The following NR6A1 variants were observed in gnomAD, a reference collection of about 807,000 sequenced individuals.
NR6A1 encodes nuclear receptor subfamily 6 group A member 1, also known as retinoic acid receptor-related testis-associated receptor.
NR6A1 carries 7 observed loss-of-function variants against 59.1 expected under a neutral mutation model. That is an observed-to-expected ratio of 0.12 (90% confidence interval 0.07 to 0.22). The LOEUF (loss-of-function observed/expected upper bound fraction) is 0.22. NR6A1 is among the 10% of genes least tolerant of loss of function. The probability of loss-of-function intolerance (pLI) is 1.00; values close to 1 mark genes in which losing one functional copy is unlikely to be tolerated. For synonymous variants in NR6A1, 243 were observed against 236.1 expected (o/e 1.03, Z -0.27); for missense variants, 468 against 611.6 (o/e 0.77, Z 2.48).
At chr9:124,744,466 G>C (rs528359991) in intron 1 of NR6A1, among the ~76,000 whole-genome samples, 2 of 152,286 alleles carry the variant, frequency 1.3e-5, no homozygotes, top group South Asian at 4.1e-4. Flanking sequence ...AGCCACAAAA[G>C]TCAAAACAAG....
rs547684765 is a variant in NR6A1, at chr9:124,697,583, A to C, written c.142+35725T>G. Among the ~76,000 whole-genome samples, 94 of 152,216 alleles carry C rather than the reference A, an allele frequency of 6.2e-4. 1 individual carries two copies. The South Asian group carries it at 0.018, about 29-fold the overall frequency. ...GGATGGTATGTTGTGTAGGCCAAAG[A>C]AGCAGTGTTTTTACAAAACAGAAAT... On this transcript the variant is annotated intron_variant, in intron 2 of 9. Coordinates refer to ENST00000487099, the MANE Select transcript of NR6A1 (RefSeq NM_033334.4).
intron 2 of NR6A1, among the ~76,000 whole-genome samples, chr9:124,596,224 G>A (rs1283652978): frequency 6.6e-6 from 1 of 151,862 alleles, no homozygotes; most frequent in African/African-American, 2.4e-5. Flanking sequence ...TTCCAGACTG[G>A]GTTAGAAAAT....
chr9:124,606,556 C>T (rs1277145000), intron 2 of NR6A1, among the ~76,000 whole-genome samples: 1 of 152,110 alleles, frequency 6.6e-6, no homozygotes, highest in Admixed American at 6.6e-5. Flanking sequence ...GTCAGACAAA[C>T]TTGGTATCAA....
rs147421903 is a variant in NR6A1 at position 124,671,476 on chromosome 9, A to G, written c.142+61832T>C. 2.3e-3 allele frequency among the ~76,000 whole-genome samples: 354 copies of G among 152,302 alleles called. 1 individual carries two copies. The highest frequency in any genetic ancestry group is 8.1e-3 in the African/African-American group (335 of 41,566). On this transcript the variant is annotated intron_variant, in intron 2 of 9. Coordinates refer to ENST00000487099, the MANE Select transcript of NR6A1 (RefSeq NM_033334.4). ...TGTCATGGTACTTAATATTTCCTCC[A>G]AAGACATTTATTCTTTTTTAAAAAG...
intron 2 of NR6A1, among the ~76,000 whole-genome samples, chr9:124,572,846 C>T (rs1227328337): frequency 6.6e-6 from 1 of 152,030 alleles, no homozygotes; most frequent in African/African-American, 2.4e-5. Context: ...GAAAAGGTCA[C>T]CAGAAATCCT....
intron 2 of NR6A1, among the ~76,000 whole-genome samples, chr9:124,613,233 G>A (rs1835804837): frequency 6.6e-6 from 1 of 152,122 alleles, no homozygotes; most frequent in African/African-American, 2.4e-5. Flanking sequence ...CTATTTGGGA[G>A]CTGACACGGA....
chr9:124,696,233 G>A (rs1293053932), intron 2 of NR6A1, among the ~76,000 whole-genome samples: 1 of 152,100 alleles, frequency 6.6e-6, no homozygotes, highest in East Asian at 1.9e-4. Flanking sequence ...AAGCAAGACT[G>A]GGAAGAGTCA....
intron 2 of NR6A1, among the ~76,000 whole-genome samples, chr9:124,684,420 T>C (rs1442584003): frequency 1.3e-5 from 2 of 152,222 alleles, no homozygotes; most frequent in Non-Finnish European, 2.9e-5. Context: ...CCTTGATTCC[T>C]GGTGCCACTC....
chr9:124,623,819 T>C (rs976929840), intron 2 of NR6A1, among the ~76,000 whole-genome samples: 5 of 152,138 alleles, frequency 3.3e-5, no homozygotes, highest in African/African-American at 1.2e-4. Context: ...ACCAGAAAGT[T>C]AAAGAAGAAT....
intron 2 of NR6A1, among the ~76,000 whole-genome samples, chr9:124,681,996 T>C (rs184791907): frequency 6.6e-6 from 1 of 152,072 alleles, no homozygotes; most frequent in Admixed American, 6.6e-5. Flanking sequence ...TTTTGTTTTG[T>C]TTTTTGTTTT....
rs77296118 is a variant in NR6A1 at position 124,526,538 on chromosome 9, T to C, written c.1201+241A>G. On this transcript the variant is annotated intron_variant, in intron 8 of 9. Transcript: ENST00000487099. ...ATCCTCTTCCTTCCTCTATGAGTTATAGAGATTGTGGCATTTCAGTTTGAA... is the reference window on the plus strand; with the variant it reads ...ATCCTCTTCCTTCCTCTATGAGTTACAGAGATTGTGGCATTTCAGTTTGAA... Among the ~76,000 whole-genome samples, 1,045 of 152,208 alleles carry C rather than the reference T, an allele frequency of 6.9e-3. 20 individuals carry two copies. The highest frequency in any genetic ancestry group is 0.028 in the East Asian group (145 of 5,178).
At chr9:124,524,922 C>T in intron 8 of NR6A1, 49 bp from the exon 9 acceptor site, 1 of 1,543,958 alleles carries the variant, frequency 6.5e-7, no homozygotes, top group Non-Finnish European at 8.7e-7. Context: ...ATGGGATGGG[C>T]ATTCTAATGT....
At position 124,518,590 on chromosome 9, in the gene NR6A1, C is replaced by T. The variant is rs1183278593; in HGVS notation, c.*4115G>A. 1.3e-5 allele frequency: 2 copies of T among 152,052 alleles called. No individual in the cohort carries two copies. The highest frequency in any genetic ancestry group is 2.9e-5 in the Non-Finnish European group (2 of 68,036). The allele number at this position is 152,052 out of a possible 1,614,324, so 9.4% of individuals were successfully genotyped here. Reference sequence around the variant, plus strand: ...TTCTCATCCTGACACACAGATAAAACATCATTTCACAGATACTGGACATAG... The same window carrying T: ...TTCTCATCCTGACACACAGATAAAATATCATTTCACAGATACTGGACATAG... On this transcript the variant is annotated 3_prime_UTR_variant, in exon 10 of 10. Coordinates refer to ENST00000487099, the MANE Select transcript of NR6A1 (RefSeq NM_033334.4).
intron 3 of NR6A1, among the ~76,000 whole-genome samples, chr9:124,548,547 T>A (rs1310708842): frequency 1.3e-5 from 2 of 151,988 alleles, no homozygotes; most frequent in Non-Finnish European, 2.9e-5. Flanking sequence ...GTAAAAAAAA[T>A]GTTTGTAAGG....
intron 2 of NR6A1, among the ~76,000 whole-genome samples, chr9:124,600,275 T>C (rs544454556): frequency 1.6e-4 from 24 of 152,208 alleles, no homozygotes; most frequent in African/African-American, 5.8e-4. Flanking sequence ...AGGGAAAGAG[T>C]TTAATTCAAC....
intron 6 of NR6A1, among the ~76,000 whole-genome samples, chr9:124,537,006 G>C (rs1406189603): frequency 2.0e-5 from 3 of 151,896 alleles, no homozygotes; most frequent in African/African-American, 7.3e-5. Context: ...ACAGACCCAA[G>C]AGTTTCAGCT....
intron 2 of NR6A1, among the ~76,000 whole-genome samples, chr9:124,585,024 CAA>C (rs1834880931): frequency 6.6e-6 from 1 of 152,140 alleles, no homozygotes; most frequent in African/African-American, 2.4e-5. Flanking sequence ...CTAACATGGA[CAA>C]AGTTTTAGTA....
At chr9:124,553,549 CTTTTTTTTTTTT>C (rs780925768) in intron 3 of NR6A1, among the ~76,000 whole-genome samples, 4 of 47,324 alleles carry the variant, frequency 8.5e-5, no homozygotes, top group Non-Finnish European at 1.6e-4. Context: ...TTTAGCTTGA[CTTTTTTTTTTTT>C]TTTTTTTTTT....
intron 2 of NR6A1, among the ~76,000 whole-genome samples, chr9:124,721,586 G>T (rs1460425673): frequency 6.6e-6 from 1 of 152,142 alleles, no homozygotes; most frequent in Non-Finnish European, 1.5e-5. Context: ...CTTCAGGAAA[G>T]AACTCACTTG....
Sources: allele counts gnomAD v4.1 joint callset (sites outside exome capture counted in the v4.1 genomes callset), GRCh38; gene constraint gnomAD v4.1.1; transcripts MANE v1.5; gene names NCBI Gene and HGNC (gene_info 2026-07-23, HGNC 2026-07-21).